Variants in FAM120B observed in about 807,000 individuals in gnomAD.
FAM120B encodes family with sequence similarity 120 member B.
Under a neutral mutation model 96.3 loss-of-function variants are expected in FAM120B, and 83 were observed. The observed-to-expected ratio is 0.86, with a 90% confidence interval of 0.72 to 1.03. The LOEUF is 1.03. Among genes scored for constraint, FAM120B ranks in the 50% least tolerant of loss-of-function variants. The probability of loss-of-function intolerance (pLI) is 0.00; values close to 1 mark genes in which losing one functional copy is unlikely to be tolerated. For synonymous variants in FAM120B, 407 were observed against 402.7 expected (o/e 1.01, Z -0.13); for missense variants, 1,027 against 1,121.2 (o/e 0.92, Z 1.20).
intron 9 of FAM120B, among the ~76,000 whole-genome samples, chr6:170,400,848 G>A (rs1471530098): frequency 6.6e-6 from 1 of 152,210 alleles, no homozygotes; most frequent in East Asian, 1.9e-4. Flanking sequence ...GGCGGGAGCA[G>A]AGCCATCTGC....
At chr6:170,346,770 G>A (rs1036644704) in intron 4 of FAM120B, among the ~76,000 whole-genome samples, 1 of 151,652 alleles carries the variant, frequency 6.6e-6, no homozygotes, top group Non-Finnish European at 1.5e-5. Flanking sequence ...TTCATGGGGT[G>A]CATAAAAACA....
At chr6:170,339,870 A>T (rs996032767) in intron 4 of FAM120B, among the ~76,000 whole-genome samples, 8 of 151,420 alleles carry the variant, frequency 5.3e-5, no homozygotes, top group Admixed American at 3.3e-4. Context: ...TGTTAGTCTG[A>T]TGGGCTTCCC....
chr6:170,315,807 G>T (rs914311422), intron 1 of FAM120B, among the ~76,000 whole-genome samples: 4 of 151,932 alleles, frequency 2.6e-5, no homozygotes, highest in Admixed American at 2.6e-4. Flanking sequence ...ATTCTGTTTG[G>T]GCACAGTGGC....
chr6:170,365,263 G>A (rs1308411874), intron 6 of FAM120B, among the ~76,000 whole-genome samples: 1 of 152,232 alleles, frequency 6.6e-6, no homozygotes, highest in Non-Finnish European at 1.5e-5. Context: ...CTAATGAGAG[G>A]CTTATGTCTG....
intron 6 of FAM120B, among the ~76,000 whole-genome samples, chr6:170,358,918 T>C (rs1377288368): frequency 6.6e-6 from 1 of 152,232 alleles, no homozygotes; most frequent in Non-Finnish European, 1.5e-5. Flanking sequence ...ACCTGGGTAC[T>C]GGGTGTTGTT....
intron 6 of FAM120B, among the ~76,000 whole-genome samples, chr6:170,379,375 A>G (rs967349554): frequency 1.3e-5 from 2 of 152,198 alleles, no homozygotes; most frequent in Non-Finnish European, 2.9e-5. Flanking sequence ...TGATTATTAG[A>G]CCCATTGCTA....
At chr6:170,397,057 G>A (rs1320158209) in intron 9 of FAM120B, among the ~76,000 whole-genome samples, 2 of 152,220 alleles carry the variant, frequency 1.3e-5, no homozygotes, top group African/African-American at 2.4e-5. Flanking sequence ...TGTGTGTAGA[G>A]AGCTCAATGC....
chr6:170,308,707 C>T (rs948663726), intron 1 of FAM120B, among the ~76,000 whole-genome samples: 3 of 152,188 alleles, frequency 2.0e-5, no homozygotes, highest in African/African-American at 7.2e-5. Flanking sequence ...CAGCTTAGAT[C>T]CCTGCAAAAC....
chr6:170,340,184 G>A (rs965479765), intron 4 of FAM120B, among the ~76,000 whole-genome samples: 3 of 152,132 alleles, frequency 2.0e-5, no homozygotes, highest in South Asian at 2.1e-4. Context: ...GGCTTTGTTC[G>A]TTCCTTTTCA....
At chr6:170,368,820 TG>T (rs35789983) in intron 6 of FAM120B, among the ~76,000 whole-genome samples, 8,510 of 140,012 alleles carry the variant, frequency 0.061, 369 homozygotes, top group Middle Eastern at 0.12. Flanking sequence ...CTGCCGGGGC[TG>T]GGGGGGGGGC....
chr6:170,293,319 C>T (rs1172062563), upstream of FAM120B, among the ~76,000 whole-genome samples: 2 of 150,284 alleles, frequency 1.3e-5, no homozygotes, highest in African/African-American at 2.5e-5. Context: ...ATATCAGGAA[C>T]CTTTTAATTA....
At chr6:170,332,910 CT>C (rs1219133062) in intron 4 of FAM120B, among the ~76,000 whole-genome samples, 7 of 151,132 alleles carry the variant, frequency 4.6e-5, no homozygotes, top group Admixed American at 1.3e-4. Flanking sequence ...CATGTTCTTT[CT>C]TTTTTTTTAA....
chr6:170,359,411 A>C (rs1788192370), intron 6 of FAM120B, among the ~76,000 whole-genome samples: 3 of 147,714 alleles, frequency 2.0e-5, no homozygotes, highest in Admixed American at 6.8e-5. Context: ...AAAAAAAATC[A>C]CCTCACAACT....
chr6:170,390,587 T>C (rs192216939), intron 7 of FAM120B, among the ~76,000 whole-genome samples: 10 of 152,366 alleles, frequency 6.6e-5, no homozygotes, highest in African/African-American at 2.4e-4. Flanking sequence ...GTTTTGTTTT[T>C]TGTTTTTTGT....
At chr6:170,329,240 C>G (rs1020316563) in intron 3 of FAM120B, among the ~76,000 whole-genome samples, 1 of 152,264 alleles carries the variant, frequency 6.6e-6, no homozygotes, top group African/African-American at 2.4e-5. Context: ...TCTCCAGTCT[C>G]TGTCTCCTCA....
chr6:170,317,957 C>T lies in FAM120B; in HGVS notation c.567C>T (p.Pro189=), dbSNP rs1358101460. 6.2e-7 allele frequency: 1 copy of T among 1,614,028 alleles called. No individual in the cohort carries two copies. Among genetic ancestry groups the T allele is most frequent in the East Asian group, 2.2e-5 (1 of 44,876 alleles). Residue 189 remains proline (P), a synonymous_variant, in exon 2 of 11, where the codon CCC becomes CCT. Coordinates refer to ENST00000476287, the MANE Select transcript of FAM120B (RefSeq NM_032448.3). ...ATTACCTAATCTATGACACTTGTCC[C>T]TACTTTTCAATTAGCGAGCTCTGCC... ...DTDYLIYDTC[P]YFSISELCLE...
upstream of FAM120B, chr6:170,290,976 T>A (rs1783853215): frequency 7.1e-6 from 5 of 701,394 alleles, no homozygotes; most frequent in Non-Finnish European, 1.0e-5. The surrounding 1 kb of genome is among the most constrained non-coding windows in gnomAD (Gnocchi z 4.7). Flanking sequence ...GCCGCCCGCA[T>A]GGCTAATGAG....
At position 170,388,466 on chromosome 6, in the gene FAM120B, T is replaced by A. The variant is rs776184514; in HGVS notation, c.2463T>A (p.Tyr821Ter). Reference protein sequence around the residue: ...HQKYLQSEKGYAVEVLLEQNR... With the variant: ...HQKYLQSEKG ...AGTACTTGCAATCTGAAAAGGGTTATGCTGTGGAGGTTCTTTTAGAACAAA... is the reference window on the plus strand; with the variant it reads ...AGTACTTGCAATCTGAAAAGGGTTAAGCTGTGGAGGTTCTTTTAGAACAAA... Residue 821 changes from tyrosine to a stop codon, truncating the protein, a stop_gained, in exon 7 of 11, where the codon TAT (tyrosine) becomes TAA (stop). Coordinates refer to ENST00000476287, the MANE Select transcript of FAM120B (RefSeq NM_032448.3). LOFTEE classifies it high-confidence loss of function. The A allele has an allele frequency of 6.2e-7, 1 of 1,614,210 alleles. No individual in the cohort carries two copies. Among genetic ancestry groups the A allele is most frequent in the South Asian group, 1.1e-5 (1 of 91,088 alleles).
intron 5 of FAM120B, among the ~76,000 whole-genome samples, chr6:170,354,531 T>C (rs1383302550): frequency 6.6e-6 from 1 of 151,956 alleles, no homozygotes; most frequent in East Asian, 1.9e-4. Context: ...AGGTCTAATA[T>C]CCAGAGTCTA....
Sources: allele counts gnomAD v4.1 joint callset (sites outside exome capture counted in the v4.1 genomes callset), GRCh38; gene constraint gnomAD v4.1.1; non-coding constraint Gnocchi (gnomAD v3.1); transcripts MANE v1.5; gene names NCBI Gene and HGNC (gene_info 2026-07-23, HGNC 2026-07-21).